Variants in YWHAG observed in about 807,000 individuals in gnomAD.
YWHAG encodes tyrosine 3-monooxygenase/tryptophan 5-monooxygenase activation protein gamma.
A neutral mutation model predicts 23.3 loss-of-function variants in YWHAG; 1 was observed. The ratio of observed to expected loss-of-function variants is 0.04; its 90% CI spans 0.02 to 0.20. The LOEUF is 0.20. YWHAG is among the 10% of genes least tolerant of loss of function. The pLI, the probability that YWHAG is intolerant of heterozygous loss-of-function variation, is 1.00. For synonymous variants in YWHAG, 160 were observed against 144.0 expected, an observed-to-expected ratio of 1.11 and a Z score of -0.80; for missense variants, 151 against 338.6, an observed-to-expected ratio of 0.45 and a Z score of 4.35.
rs1470896544 is a variant in YWHAG, at chr7:76,327,557, A to C, written c.*2020T>G. 1 of 152,528 alleles carries C rather than the reference A, an allele frequency of 6.6e-6. No homozygotes were observed. Among genetic ancestry groups the C allele is most frequent in the African/African-American group, 2.4e-5 (1 of 41,394 alleles). 9.4% of individuals were successfully genotyped at this position (152,528 alleles called of 1,614,324 possible). On this transcript the variant is annotated 3_prime_UTR_variant, in exon 2 of 2. Coordinates refer to ENST00000307630, the MANE Select transcript of YWHAG (RefSeq NM_012479.4). ...CAGCCAGAGCCAAAGCTGAAATTTA[A>C]AGGAAAAATAGGTTTTGTAATTCCA...
intron 1 of YWHAG, among the ~76,000 whole-genome samples, chr7:76,340,754 C>T (rs6955630): frequency 6.6e-6 from 1 of 152,116 alleles, no homozygotes; most frequent in Non-Finnish European, 1.5e-5. Context: ...CAGATGGGAA[C>T]CATGCATATC....
chr7:76,339,369 C>A (rs944407204), intron 1 of YWHAG, among the ~76,000 whole-genome samples: 1 of 152,020 alleles, frequency 6.6e-6, no homozygotes, highest in South Asian at 2.1e-4. Flanking sequence ...ACTCGGGAGG[C>A]GGAGACAGGA....
chr7:76,358,951 G>A lies in YWHAG; in HGVS notation c.-143C>T, dbSNP rs879250935. On this transcript the variant is annotated 5_prime_UTR_variant, in exon 1 of 2. Coordinates refer to ENST00000307630, the MANE Select transcript of YWHAG (RefSeq NM_012479.4). ...GAGGCGGCGGCTGCGCGGAGGAGGC[G>A]GCTGGAGCTGCGACCGCGGGACCGG... The A allele has an allele frequency of 5.7e-6, 4 of 700,682 alleles. No individual in the cohort carries two copies. The highest frequency in any genetic ancestry group is 3.4e-5 in the East Asian group (1 of 29,274). The allele number at this position is 700,682 out of a possible 1,614,324, so 43.4% of individuals were successfully genotyped here.
At chr7:76,353,373 C>T (rs555652648) in intron 1 of YWHAG, among the ~76,000 whole-genome samples, 2 of 152,166 alleles carry the variant, frequency 1.3e-5, no homozygotes, top group African/African-American at 4.8e-5. Context: ...CCACCATGCC[C>T]AGCTAATTTT....
intron 1 of YWHAG, among the ~76,000 whole-genome samples, chr7:76,344,284 A>C (rs1451482686): frequency 6.6e-6 from 1 of 151,930 alleles, no homozygotes; most frequent in African/African-American, 2.4e-5. Context: ...CTAATTTTTG[A>C]ATTTTTAGTA....
In YWHAG at chr7:76,358,952, G is replaced by A. The variant is rs927577103; in HGVS notation, c.-144C>T. 5.8e-6 allele frequency: 4 copies of A among 692,956 alleles called. No homozygotes were observed. Among genetic ancestry groups the A allele is most frequent in the South Asian group, 3.0e-5 (1 of 33,066 alleles). The allele number at this position is 692,956 out of a possible 1,614,324, so 42.9% of individuals were successfully genotyped here. On this transcript the variant is annotated 5_prime_UTR_variant, in exon 1 of 2. Coordinates refer to ENST00000307630, the MANE Select transcript of YWHAG (RefSeq NM_012479.4). ...AGGCGGCGGCTGCGCGGAGGAGGCGGCTGGAGCTGCGACCGCGGGACCGGG... is the reference window on the plus strand; with the variant it reads ...AGGCGGCGGCTGCGCGGAGGAGGCGACTGGAGCTGCGACCGCGGGACCGGG...
Position 76,358,190 on chromosome 7 carries a change from G to C in YWHAG, c.87+532C>G, listed in dbSNP as rs73359680. Among the ~76,000 whole-genome samples, 1,279 of 152,316 alleles carry C rather than the reference G, an allele frequency of 8.4e-3. 18 individuals carry two copies. The highest frequency in any genetic ancestry group is 0.029 in the African/African-American group (1,225 of 41,564). On this transcript the variant is annotated intron_variant, in intron 1 of 1. Coordinates refer to ENST00000307630, the MANE Select transcript of YWHAG (RefSeq NM_012479.4). ...TCAAGAGACCCTATACAATGTTTCT[G>C]GGAAGATTCTCAGGGATGTGTCGGG...
chr7:76,357,113 T>C (rs1803973368), intron 1 of YWHAG, among the ~76,000 whole-genome samples: 1 of 152,224 alleles, frequency 6.6e-6, no homozygotes. Context: ...CTGATACCTA[T>C]TAGAAGTGCA....
At position 76,358,090 on chromosome 7, in the gene YWHAG, T is replaced by C. The variant is rs375240314; in HGVS notation, c.87+632A>G. On this transcript the variant is annotated intron_variant, in intron 1 of 1. Coordinates refer to ENST00000307630, the MANE Select transcript of YWHAG (RefSeq NM_012479.4). ...AGCCGGAGGACTTGCTTTGGGCGAA[T>C]GGAGAAAGAAGAGCCTTTTGTTAAG... Among the ~76,000 whole-genome samples the C allele has an allele frequency of 5.3e-5, 8 of 152,250 alleles. No homozygotes were observed. In the East Asian group the frequency reaches 1.5e-3, roughly 29 times the overall value.
intron 1 of YWHAG, among the ~76,000 whole-genome samples, chr7:76,357,237 T>C (rs929844325): frequency 2.6e-5 from 4 of 152,206 alleles, no homozygotes; most frequent in Non-Finnish European, 5.9e-5. Context: ...TTTGTTAACA[T>C]AGCTGCTTTA....
At chr7:76,337,504 T>C (rs1346781787) in intron 1 of YWHAG, among the ~76,000 whole-genome samples, 1 of 152,038 alleles carries the variant, frequency 6.6e-6, no homozygotes, top group Non-Finnish European at 1.5e-5. Context: ...CTTCCTCTGA[T>C]TTTCATCTCC....
intron 1 of YWHAG, among the ~76,000 whole-genome samples, chr7:76,334,796 G>A (rs1583984238): frequency 1.3e-5 from 2 of 151,712 alleles, no homozygotes; most frequent in East Asian, 1.9e-4. Flanking sequence ...AGGCTGGAGA[G>A]AAATGGCGTG....
chr7:76,351,257 C>G (rs1157046654), intron 1 of YWHAG, among the ~76,000 whole-genome samples: 1 of 152,158 alleles, frequency 6.6e-6, no homozygotes, highest in Non-Finnish European at 1.5e-5. Context: ...GCATGGCATT[C>G]CAAGATCCAA....
Position 76,329,520 on chromosome 7 carries a change from A to T in YWHAG, c.*57T>A. On this transcript the variant is annotated 3_prime_UTR_variant, in exon 2 of 2. Transcript: ENST00000307630. The surrounding 1 kb of genome is among the most constrained non-coding windows in gnomAD (Gnocchi z 6.1). ...CCCCACCCGACCCCCAACTCATGGGAAAAAAATAAAGACTGCAGTAGTAGC... is the reference window on the plus strand; with the variant it reads ...CCCCACCCGACCCCCAACTCATGGGTAAAAAATAAAGACTGCAGTAGTAGC... 1.6e-6 allele frequency: 1 copy of T among 620,592 alleles called. No homozygotes were observed. Among genetic ancestry groups the T allele is most frequent in the Non-Finnish European group, 2.6e-6 (1 of 389,702 alleles). The allele number at this position is 620,592 out of a possible 1,614,324, so 38.4% of individuals were successfully genotyped here.
At position 76,329,489 on chromosome 7, in the gene YWHAG, T is replaced by TCCCCCC; in HGVS notation, c.*87_*88insGGGGGG. 2 of 1,024,222 alleles carry TCCCCCC rather than the reference T, an allele frequency of 2.0e-6. No individual in the cohort carries two copies. The highest frequency in any genetic ancestry group is 2.7e-6 in the Non-Finnish European group (2 of 740,076). The allele number at this position is 1,024,222 out of a possible 1,614,324, so 63.4% of individuals were successfully genotyped here. A position where few individuals can be genotyped will look rare whatever the true frequency, so the allele number is the denominator to read the frequency against. On this transcript the variant is annotated 3_prime_UTR_variant, in exon 2 of 2. Transcript: ENST00000307630. The surrounding 1 kb of genome is among the most constrained non-coding windows in gnomAD (Gnocchi z 6.1). ...TCCCTGGGAAGGTCATCCCTCCCTTTCCCTCCCCCACCCGACCCCCAACTC... is the reference window on the plus strand; with the variant it reads ...TCCCTGGGAAGGTCATCCCTCCCTTTCCCCCCCCCTCCCCCACCCGACCCCCAACTC...
chr7:76,329,599 T>A lies in YWHAG; in HGVS notation c.722A>T (p.Asp241Val). ...TLWTSDQQDD[D>V]GGEGNN ...GCCTTAATTGTTGCCTTCGCCGCCA[T>A]CGTCGTCCTGCTGGTCGCTCGTCCA... Residue 241 changes from aspartate (D) to valine (V), a missense_variant, in exon 2 of 2, where the codon GAT becomes GTT. Asp to Val is a radical substitution (Grantham distance 152). Transcript: ENST00000307630. This position sits in a 1 kb window ranked among gnomAD's most constrained non-coding sequence, Gnocchi z 6.1. 6.2e-7 allele frequency: 1 copy of A among 1,601,556 alleles called. No homozygotes were observed. Among genetic ancestry groups the A allele is most frequent in the Non-Finnish European group, 8.5e-7 (1 of 1,171,224 alleles).
At chr7:76,345,868 G>A (rs774055490) in intron 1 of YWHAG, among the ~76,000 whole-genome samples, 1 of 152,116 alleles carries the variant, frequency 6.6e-6, no homozygotes, top group Non-Finnish European at 1.5e-5. Context: ...CGGGACCCGG[G>A]AGATGGAGGT....
rs746417297 is a variant in YWHAG, at chr7:76,327,106, C to G, written c.*2471G>C. ...AACACTGGTGTTTCTTTTGCTCCCCCCCTTTTAAAAACAAAATATATAACT... is the reference window on the plus strand; with the variant it reads ...AACACTGGTGTTTCTTTTGCTCCCCGCCTTTTAAAAACAAAATATATAACT... On this transcript the variant is annotated 3_prime_UTR_variant, in exon 2 of 2. Coordinates refer to ENST00000307630, the MANE Select transcript of YWHAG (RefSeq NM_012479.4). The G allele has an allele frequency of 1.3e-5, 2 of 152,408 alleles. No individual in the cohort carries two copies. Among genetic ancestry groups the G allele is most frequent in the African/African-American group, 2.4e-5 (1 of 41,398 alleles). 9.4% of individuals were successfully genotyped at this position (152,408 alleles called of 1,614,324 possible).
At chr7:76,334,463 T>G (rs1020253867) in intron 1 of YWHAG, among the ~76,000 whole-genome samples, 4 of 152,238 alleles carry the variant, frequency 2.6e-5, no homozygotes, top group Admixed American at 2.0e-4. Context: ...GGTCTCACTC[T>G]GTTGCCCTGG....
Sources: allele counts gnomAD v4.1 joint callset (sites outside exome capture counted in the v4.1 genomes callset), GRCh38; gene constraint gnomAD v4.1.1; non-coding constraint Gnocchi (gnomAD v3.1); transcripts MANE v1.5; gene names NCBI Gene and HGNC (gene_info 2026-07-23, HGNC 2026-07-21).